The following LAPTM5 variants were observed in gnomAD, a reference collection of about 807,000 sequenced individuals.
The protein encoded by LAPTM5 is lysosomal protein transmembrane 5, also known as lysosomal-associated transmembrane protein 5.
LAPTM5 carries 11 observed loss-of-function variants against 30.1 expected under a neutral mutation model. The ratio of observed to expected loss-of-function variants is 0.37; its 90% CI spans 0.23 to 0.60. LAPTM5 has a LOEUF of 0.60. LAPTM5 is among the 20% of genes least tolerant of loss of function. LAPTM5 has a pLI of 0.71. For synonymous variants in LAPTM5, 151 were observed against 137.9 expected, an observed-to-expected ratio of 1.10 and a Z score of -0.67; for missense variants, 324 against 332.5, an observed-to-expected ratio of 0.97 and a Z score of 0.20.
chr1:30,749,586 C>T (rs555300879), intron 1 of LAPTM5, among the ~76,000 whole-genome samples: 32 of 152,312 alleles, frequency 2.1e-4, no homozygotes, highest in Middle Eastern at 3.4e-3. Context: ...AAGACCCAAA[C>T]GAGCATCCAG....
chr1:30,738,899 C>A, intron 5 of LAPTM5, 41 bp downstream of exon 5: 1 of 1,571,318 alleles, frequency 6.4e-7, no homozygotes, highest in Non-Finnish European at 8.6e-7. Flanking sequence ...TTCAAGGCCA[C>A]ACAGCCAGCA....
intron 1 of LAPTM5, among the ~76,000 whole-genome samples, chr1:30,747,940 G>A (rs540639325): frequency 2.6e-5 from 4 of 152,194 alleles, no homozygotes; most frequent in South Asian, 2.1e-4. Context: ...TGGGGGTGAC[G>A]GCAATGGGGA....
chr1:30,734,645 G>T (rs149503933), intron 7 of LAPTM5, among the ~76,000 whole-genome samples: 2 of 152,338 alleles, frequency 1.3e-5, no homozygotes, highest in Admixed American at 6.5e-5. Flanking sequence ...TACAGGTGAG[G>T]AAAGTAAGTT....
At position 30,739,622 on chromosome 1, in the gene LAPTM5, G is replaced by C. The variant is rs1002126173; in HGVS notation, c.387+187C>G. Among the ~76,000 whole-genome samples the C allele has an allele frequency of 1.3e-5, 2 of 152,172 alleles. No homozygotes were observed. Among genetic ancestry groups the C allele is most frequent in the Non-Finnish European group, 1.5e-5 (1 of 68,028 alleles). On this transcript the variant is annotated intron_variant, in intron 4 of 7. Coordinates refer to ENST00000294507, the MANE Select transcript of LAPTM5 (RefSeq NM_006762.3). The surrounding 1 kb of genome is among the most constrained non-coding windows in gnomAD (Gnocchi z 4.2). ...GCAGGCTGATGAGATGTGATTGCAGGTACATTCCACAGAGGAAGAAACTTG... is the reference window on the plus strand; with the variant it reads ...GCAGGCTGATGAGATGTGATTGCAGCTACATTCCACAGAGGAAGAAACTTG...
intron 7 of LAPTM5, among the ~76,000 whole-genome samples, chr1:30,734,805 C>A (rs1639862591): frequency 6.6e-6 from 1 of 152,224 alleles, no homozygotes; most frequent in South Asian, 2.1e-4. Flanking sequence ...AGGAAGGCTT[C>A]CCTGATACCT....
At chr1:30,743,489 A>G (rs1263391000) in intron 1 of LAPTM5, among the ~76,000 whole-genome samples, 1 of 152,174 alleles carries the variant, frequency 6.6e-6, no homozygotes, top group African/African-American at 2.4e-5. Flanking sequence ...TGCCTCCCAT[A>G]AACCTGTGCC....
At chr1:30,737,781 C>T in intron 5 of LAPTM5, 82 bp from the exon 6 acceptor site, 1 of 872,406 alleles carries the variant, frequency 1.1e-6, no homozygotes, top group Non-Finnish European at 1.9e-6. Flanking sequence ...AATAATGATC[C>T]CACCCTCCAC....
chr1:30,738,864 A>T, intron 5 of LAPTM5, 76 bp downstream of exon 5: 1 of 1,482,414 alleles, frequency 6.7e-7, no homozygotes, highest in African/African-American at 1.4e-5. Context: ...TAAACCACAG[A>T]CACACAGAGA....
intron 3 of LAPTM5, among the ~76,000 whole-genome samples, 190 bp downstream of exon 3, chr1:30,741,450 G>A (rs567933898): frequency 6.6e-6 from 1 of 152,308 alleles, no homozygotes; most frequent in Non-Finnish European, 1.5e-5. Flanking sequence ...CCAGGGAACT[G>A]AGGTCACCTG....
At chr1:30,734,021 G>T in intron 7 of LAPTM5, 104 bp from the exon 8 acceptor site, 1 of 1,217,616 alleles carries the variant, frequency 8.2e-7, no homozygotes, top group Non-Finnish European at 1.2e-6. Context: ...AAATGATGAT[G>T]ATAATGACTG....
intron 1 of LAPTM5, among the ~76,000 whole-genome samples, chr1:30,754,241 A>C (rs1640178596): frequency 1.3e-5 from 2 of 151,930 alleles, no homozygotes; most frequent in Admixed American, 1.3e-4. Flanking sequence ...AATTTAAGAA[A>C]TTTCTCTAGA....
chr1:30,738,995 C>T lies in LAPTM5; in HGVS notation c.455G>A (p.Cys152Tyr). ...GGTGGGCACTTCCATGTAGGAGCTGCAGAGGGTCAGGATGCTCAGGCAGAA... is the reference window on the plus strand; with the variant it reads ...GGTGGGCACTTCCATGTAGGAGCTGTAGAGGGTCAGGATGCTCAGGCAGAA... Reference protein sequence around the residue: ...LDFCLSILTLCSSYMEVPTYL... With the variant: ...LDFCLSILTLYSSYMEVPTYL... Residue 152 changes from cysteine (C) to tyrosine (Y), a missense_variant, in exon 5 of 8, where the codon TGC becomes TAC. Cys to Tyr is a radical substitution (Grantham distance 194). Coordinates refer to ENST00000294507, the MANE Select transcript of LAPTM5 (RefSeq NM_006762.3). The T allele has an allele frequency of 6.2e-7, 1 of 1,608,188 alleles. No individual in the cohort carries two copies. The highest frequency in any genetic ancestry group is 8.5e-7 in the Non-Finnish European group (1 of 1,177,676).
intron 1 of LAPTM5, among the ~76,000 whole-genome samples, chr1:30,743,800 T>TTTTG (rs1640005403): frequency 2.0e-5 from 3 of 147,184 alleles, no homozygotes; most frequent in Admixed American, 1.4e-4. Context: ...TGTGGGTTTT[T>TTTTG]TTTTTTTTTT....
rs565767851 is a variant in LAPTM5 at position 30,743,608 on chromosome 1, C to G, written c.88-1059G>C. On this transcript the variant is annotated intron_variant, in intron 1 of 7. Coordinates refer to ENST00000294507, the MANE Select transcript of LAPTM5 (RefSeq NM_006762.3). ...CTTCCCCTATGACATACATACAGTT[C>G]TCCAGGTAACCTCTGCCCATATAAA... 2.6e-5 allele frequency among the ~76,000 whole-genome samples: 4 copies of G among 152,248 alleles called. No individual in the cohort carries two copies. The South Asian group carries it at 6.2e-4, about 24-fold the overall frequency.
chr1:30,745,341 C>G (rs968201498), intron 1 of LAPTM5, among the ~76,000 whole-genome samples: 1 of 152,208 alleles, frequency 6.6e-6, no homozygotes, highest in Non-Finnish European at 1.5e-5. Context: ...CGGCATCTTC[C>G]AGCCACCCGG....
chr1:30,752,698 G>A (rs1640154647), intron 1 of LAPTM5, among the ~76,000 whole-genome samples: 1 of 152,272 alleles, frequency 6.6e-6, no homozygotes, highest in African/African-American at 2.4e-5. Flanking sequence ...CTCAAGGGCA[G>A]AGGCCGTGAA....
At chr1:30,754,285 G>C (rs557768518) in intron 1 of LAPTM5, among the ~76,000 whole-genome samples, 1 of 152,060 alleles carries the variant, frequency 6.6e-6, no homozygotes. Context: ...TAATCCCAGC[G>C]CGTTGGGAGG....
rs989676679 is a variant in LAPTM5 at position 30,739,033 on chromosome 1, C to T, written c.417G>A (p.Leu139=). Residue 139 remains leucine, a synonymous_variant, in exon 5 of 8, where the codon CTG becomes CTA. Coordinates refer to ENST00000294507, the MANE Select transcript of LAPTM5 (RefSeq NM_006762.3). This position sits in a 1 kb window ranked among gnomAD's most constrained non-coding sequence, Gnocchi z 4.2. ...TGCTCAGGCAGAAGTCCAGCAGCTG[C>T]AGCGTCATCAGGGGGAACTTGGAGG... ...ASSSKFPLMT[L]QLLDFCLSIL... The T allele has an allele frequency of 6.2e-7, 1 of 1,602,198 alleles. No homozygotes were observed. Among genetic ancestry groups the T allele is most frequent in the Non-Finnish European group, 8.5e-7 (1 of 1,173,974 alleles).
chr1:30,739,282 G>A lies in LAPTM5; in HGVS notation c.388-220C>T, dbSNP rs1639933912. Reference sequence around the variant, plus strand: ...CCAAGGTCTCCAGACTCCCGGGCCAGGGCCCTTCCATGATGTAGCCCCCCG... The same window carrying A: ...CCAAGGTCTCCAGACTCCCGGGCCAAGGCCCTTCCATGATGTAGCCCCCCG... On this transcript the variant is annotated intron_variant, in intron 4 of 7. Coordinates refer to ENST00000294507, the MANE Select transcript of LAPTM5 (RefSeq NM_006762.3). This position sits in a 1 kb window ranked among gnomAD's most constrained non-coding sequence, Gnocchi z 4.2. 2.0e-6 allele frequency: 1 copy of A among 512,136 alleles called. No individual in the cohort carries two copies. Among genetic ancestry groups the A allele is most frequent in the African/African-American group, 1.9e-5 (1 of 51,656 alleles). The allele number at this position is 512,136 out of a possible 1,614,324, so 31.7% of individuals were successfully genotyped here. A position where few individuals can be genotyped will look rare whatever the true frequency, so the allele number is the denominator to read the frequency against.
Sources: gnomAD v4.1 joint callset for allele counts (sites outside exome capture counted in the v4.1 genomes callset) on GRCh38, gnomAD v4.1.1 for gene constraint, Gnocchi (gnomAD v3.1) non-coding constraint, MANE v1.5 for transcripts, NCBI Gene and HGNC (gene_info 2026-07-23, HGNC 2026-07-21) for gene names.